B9D1: variants seen among roughly 807,000 people sequenced by gnomAD.
B9D1 encodes B9 domain-containing protein 1.
A neutral mutation model predicts 26.1 loss-of-function variants in B9D1; 20 were observed. The observed-to-expected ratio is 0.77, with a 90% CI of 0.54 to 1.12. B9D1 has a LOEUF of 1.12. Among genes scored for constraint, B9D1 ranks in the 50% most tolerant of loss-of-function variants. The pLI is 0.00. For synonymous variants in B9D1, 105 were observed against 103.1 expected, an observed-to-expected ratio of 1.02 and a Z score of -0.11; for missense variants, 260 against 273.7, an observed-to-expected ratio of 0.95 and a Z score of 0.35.
At chr17:19,345,615 C>T (rs546782602) in intron 5 of B9D1, among the ~76,000 whole-genome samples, 6 of 152,352 alleles carry the variant, frequency 3.9e-5, no homozygotes, top group African/African-American at 1.4e-4. Flanking sequence ...TAAACAGAGT[C>T]TCCCCTAGAG....
At chr17:19,356,461 A>G (rs1249254663) in intron 3 of B9D1, among the ~76,000 whole-genome samples, 1 of 152,196 alleles carries the variant, frequency 6.6e-6, no homozygotes, top group Non-Finnish European at 1.5e-5. Context: ...TAGAAGAATC[A>G]GGAGGTTGAA....
At chr17:19,342,064 A>T (rs920700317), downstream of B9D1, among the ~76,000 whole-genome samples, 3 of 152,130 alleles carry the variant, frequency 2.0e-5, no homozygotes, top group Admixed American at 6.5e-5. Context: ...AGAGGTGAAG[A>T]CAGACTGTTC....
chr17:19,334,981 C>G (rs930772053), downstream of B9D1: 1 of 156,056 alleles, frequency 6.4e-6, no homozygotes, highest in Non-Finnish European at 1.4e-5. This position sits in a 1 kb window ranked among gnomAD's most constrained non-coding sequence, Gnocchi z 4.9. Context: ...TTTACCAGGT[C>G]TGGCTGAATG....
chr17:19,341,153 A>G (rs985277315), downstream of B9D1: 3 of 1,230,508 alleles, frequency 2.4e-6, no homozygotes, highest in African/African-American at 3.1e-5. Context: ...AGGGTGACTT[A>G]GTATTTCCCA....
Position 19,354,268 on chromosome 17 carries a change from G to C in B9D1, c.244+3572C>G, listed in dbSNP as rs1384070577. 2.6e-5 allele frequency among the ~76,000 whole-genome samples: 4 copies of C among 152,098 alleles called. No individual in the cohort carries two copies. The East Asian group carries it at 5.8e-4, about 22-fold the overall frequency. ...ATGTACTGGCGCTGACTCACTACCG[G>C]ATCACCACTGACAGCTGAGTCTACT... is the stretch of plus-strand genomic sequence containing the variant. On this transcript the variant is annotated intron_variant, in intron 3 of 6. Coordinates refer to ENST00000261499, the MANE Select transcript of B9D1 (RefSeq NM_015681.6).
intron 5 of B9D1, chr17:19,346,878 G>A (rs923506083): frequency 1.2e-5 from 17 of 1,400,412 alleles, no homozygotes; most frequent in African/African-American, 1.2e-4. Flanking sequence ...TGTCAGCTCC[G>A]GCCAGAGACT....
chr17:19,337,792 C>A, downstream of B9D1: 1 of 1,442,930 alleles, frequency 6.9e-7, no homozygotes, highest in Non-Finnish European at 9.4e-7. Context: ...AGATTTCTTA[C>A]AGCCAGGCCT....
chr17:19,347,903 G>T lies in B9D1; in HGVS notation c.245-23C>A, dbSNP rs750746499. 6.2e-7 allele frequency: 1 copy of T among 1,605,480 alleles called. No homozygotes were observed. Among genetic ancestry groups the T allele is most frequent in the Non-Finnish European group, 8.5e-7 (1 of 1,172,640 alleles). ...GCCCTTGGGAAGGACAAGGCAGGGGGTGGGCACATGAGGACACACAGGGGA... is the reference window on the plus strand; with the variant it reads ...GCCCTTGGGAAGGACAAGGCAGGGGTTGGGCACATGAGGACACACAGGGGA... On this transcript the variant is annotated intron_variant, in intron 3 of 6. Coordinates refer to ENST00000261499, the MANE Select transcript of B9D1 (RefSeq NM_015681.6). This position sits in a 1 kb window ranked among gnomAD's most constrained non-coding sequence, Gnocchi z 4.3.
downstream of B9D1, chr17:19,336,389 T>A (rs111954981): frequency 6.3e-3 from 958 of 152,542 alleles, 3 homozygotes; most frequent in Non-Finnish European, 0.011. Flanking sequence ...GTGATTCTTT[T>A]GTAACGAGTC....
At position 19,357,893 on chromosome 17, in the gene B9D1, A is replaced by C. The variant is rs755812806; in HGVS notation, c.191T>G (p.Leu64Arg). The change falls in exon 3 of 7, where the codon CTG (leucine) becomes CGG (arginine). Residue 64 changes from leucine to arginine, a missense_variant. By Grantham distance (102) the Leu-to-Arg change is moderately radical. Coordinates refer to ENST00000261499, the MANE Select transcript of B9D1 (RefSeq NM_015681.6). The stretch of plus-strand genomic sequence containing the variant: ...GACATCAATGGGGAAGTTCCACACC[A>C]GTGCTTGCCGCACATCTTGGCTCTT... ...TSKSQDVRQALVWNFPIDVTF... is the reference protein window; with the variant it reads ...TSKSQDVRQARVWNFPIDVTF... 14 of 1,614,148 alleles carry C rather than the reference A, an allele frequency of 8.7e-6. No individual in the cohort carries two copies. Among genetic ancestry groups the C allele is most frequent in the Non-Finnish European group, 1.2e-5 (14 of 1,180,010 alleles).
chr17:19,337,132 GC>G (rs1478202305), downstream of B9D1, among the ~76,000 whole-genome samples: 2 of 152,238 alleles, frequency 1.3e-5, no homozygotes, highest in African/African-American at 2.4e-5. Flanking sequence ...GGAAGCCACT[GC>G]CTGTCAGCTG....
At chr17:19,342,368 TGAC>T (rs1908067384), downstream of B9D1, among the ~76,000 whole-genome samples, 1 of 152,086 alleles carries the variant, frequency 6.6e-6, no homozygotes, top group Non-Finnish European at 1.5e-5. Context: ...GCAAGTGCCA[TGAC>T]GACAGTCCAG....
chr17:19,347,980 A>T lies in B9D1; in HGVS notation c.245-100T>A, dbSNP rs376529489. 1 of 1,023,150 alleles carries T rather than the reference A, an allele frequency of 9.8e-7. No homozygotes were observed. The highest frequency in any genetic ancestry group is 1.6e-5 in the African/African-American group (1 of 63,318). 63.4% of individuals were successfully genotyped at this position (1,023,150 alleles called of 1,614,324 possible). ...CCAGCTGAGGGTGCTCAAAGGATGG[A>T]GCTCAAAACTCTGGGGTGGCAGGCT... On this transcript the variant is annotated intron_variant, in intron 3 of 6. Transcript: ENST00000261499. This position sits in a 1 kb window ranked among gnomAD's most constrained non-coding sequence, Gnocchi z 4.3.
At chr17:19,342,663 C>T (rs1282560232), downstream of B9D1, among the ~76,000 whole-genome samples, 4 of 152,164 alleles carry the variant, frequency 2.6e-5, no homozygotes, top group Non-Finnish European at 5.9e-5. Context: ...TCACCTTCCT[C>T]TCCTGCCAAG....
intron 6 of B9D1, 63 bp from the exon 7 acceptor site, chr17:19,343,524 T>A: frequency 1.2e-6 from 2 of 1,610,676 alleles, no homozygotes; most frequent in Non-Finnish European, 1.7e-6. Context: ...CAGGTTGATC[T>A]GGGAATCTCA....
downstream of B9D1, chr17:19,334,855 G>C (rs1174224750): frequency 1.3e-5 from 2 of 153,134 alleles, no homozygotes; most frequent in African/African-American, 4.8e-5. This position sits in a 1 kb window ranked among gnomAD's most constrained non-coding sequence, Gnocchi z 4.9. Flanking sequence ...GTGTACCTTT[G>C]CACATATTTT....
chr17:19,362,357 T>A, intron 1 of B9D1, 150 bp downstream of exon 1: 1 of 584,904 alleles, frequency 1.7e-6, no homozygotes, highest in Non-Finnish European at 2.9e-6. Context: ...CGCGCCAAGC[T>A]CTCCAATGCT....
Position 19,362,721 on chromosome 17 carries a change from T to TGCGCAG in B9D1, c.-153_-152insCTGCGC. 1 of 1,419,674 alleles carries TGCGCAG rather than the reference T, an allele frequency of 7.0e-7. No individual in the cohort carries two copies. Among genetic ancestry groups the TGCGCAG allele is most frequent in the African/African-American group, 1.4e-5 (1 of 69,494 alleles). 87.9% of individuals were successfully genotyped at this position (1,419,674 alleles called of 1,614,324 possible). A position where few individuals can be genotyped will look rare whatever the true frequency, so the allele number is the denominator to read the frequency against. ...AGGCCACGCGAGTGCGCGTGTGGCA[T>TGCGCAG]GCGCAGGCGCAGTGAACGGGCGCCG... On this transcript the variant is annotated 5_prime_UTR_variant, in exon 1 of 7. Coordinates refer to ENST00000261499, the MANE Select transcript of B9D1 (RefSeq NM_015681.6).
intron 3 of B9D1, among the ~76,000 whole-genome samples, chr17:19,350,022 G>C (rs554448202): frequency 9.2e-5 from 14 of 152,122 alleles, no homozygotes; most frequent in African/African-American, 3.1e-4. Flanking sequence ...TGAGGCAGGA[G>C]AATGGCGTGA....
Sources: allele counts gnomAD v4.1 joint callset (sites outside exome capture counted in the v4.1 genomes callset), GRCh38; gene constraint gnomAD v4.1.1; non-coding constraint Gnocchi (gnomAD v3.1); transcripts MANE v1.5; gene names NCBI Gene and HGNC (gene_info 2026-07-23, HGNC 2026-07-21).